ATP8B1: variants seen among roughly 807,000 people sequenced by gnomAD.
The protein encoded by ATP8B1 is phospholipid-transporting ATPase IC.
A neutral mutation model predicts 149.9 loss-of-function variants in ATP8B1; 80 were observed. The observed-to-expected ratio is 0.53, with a 90% CI of 0.45 to 0.64. The LOEUF (loss-of-function observed/expected upper bound fraction) is 0.64. Among genes scored for constraint, ATP8B1 ranks in the 30% least tolerant of loss-of-function variants. The pLI is 0.00. For missense variants in ATP8B1, 1,247 were observed against 1,552.6 expected (o/e 0.80, Z 3.31); for synonymous variants, 536 against 562.8 (o/e 0.95, Z 0.67).
In ATP8B1 at chr18:57,652,746, AAT is replaced by A. The variant is rs760448429; in HGVS notation, c.3016-19_3016-18del. 2 of 1,614,102 alleles carry A rather than the reference AAT, an allele frequency of 1.2e-6. No individual in the cohort carries two copies. Among genetic ancestry groups the A allele is most frequent in the Admixed American group, 1.7e-5 (1 of 60,026 alleles). On this transcript the variant is annotated intron_variant, in intron 24 of 27. Coordinates refer to ENST00000648908, the MANE Select transcript of ATP8B1 (RefSeq NM_001374385.1). ...ACTCACATCCTTAAGGAGAAAACAA[AAT>A]GATGGTATTTTATTCATCAGGTCAA...
intron 27 of ATP8B1, 140 bp from the exon 28 acceptor site, chr18:57,648,852 TTGTGTGTG>T (rs1161789963): frequency 2.7e-5 from 15 of 557,484 alleles, no homozygotes; most frequent in South Asian, 8.0e-5. Context: ...CTGTCCCCAC[TTGTGTGTG>T]TGTGTGTGTG....
intron 1 of ATP8B1, among the ~76,000 whole-genome samples, chr18:57,787,930 G>A (rs1201167748): frequency 1.3e-5 from 2 of 152,190 alleles, no homozygotes; most frequent in African/African-American, 4.8e-5. Flanking sequence ...CCACTTGGGA[G>A]GCTGAGGCGG....
At chr18:57,683,071 C>G (rs368578768) in intron 15 of ATP8B1, among the ~76,000 whole-genome samples, 15 of 152,234 alleles carry the variant, frequency 9.9e-5, no homozygotes, top group African/African-American at 3.6e-4. Flanking sequence ...TCAAGCAATC[C>G]ATTCACCTCG....
chr18:57,706,034 G>A (rs1232052101), intron 3 of ATP8B1, among the ~76,000 whole-genome samples: 3 of 152,056 alleles, frequency 2.0e-5, no homozygotes, highest in Non-Finnish European at 4.4e-5. Flanking sequence ...GCTAATTTTT[G>A]TATTTCGCAT....
chr18:57,683,705 A>G (rs954670589), intron 15 of ATP8B1, among the ~76,000 whole-genome samples: 1 of 152,232 alleles, frequency 6.6e-6, no homozygotes, highest in East Asian at 1.9e-4. Context: ...CTCTCAGTCA[A>G]TGCTCAGTAA....
At chr18:57,659,868 A>G (rs759211421) in intron 22 of ATP8B1, 4 of 152,242 alleles carry the variant, frequency 2.6e-5, no homozygotes, top group Admixed American at 1.3e-4. Context: ...TGAAAAGTCT[A>G]GTTATATATA....
At chr18:57,778,381 A>G (rs929156149) in intron 1 of ATP8B1, among the ~76,000 whole-genome samples, 1 of 151,004 alleles carries the variant, frequency 6.6e-6, no homozygotes, top group Non-Finnish European at 1.5e-5. Flanking sequence ...GCCCGCCGCT[A>G]CGCCCGGCTA....
chr18:57,737,512 C>T (rs1256766094), intron 1 of ATP8B1, among the ~76,000 whole-genome samples: 1 of 151,840 alleles, frequency 6.6e-6, no homozygotes, highest in Non-Finnish European at 1.5e-5. Flanking sequence ...CCCAGCCTCC[C>T]TAGTAACTAG....
chr18:57,674,805 T>G, intron 16 of ATP8B1, 29 bp downstream of exon 16: 1 of 1,611,320 alleles, frequency 6.2e-7, no homozygotes, highest in South Asian at 1.1e-5. Context: ...AAATGAGCGA[T>G]TCATAGACAG....
chr18:57,670,842 G>T (rs1480436182), intron 17 of ATP8B1, among the ~76,000 whole-genome samples: 2 of 152,004 alleles, frequency 1.3e-5, no homozygotes, highest in African/African-American at 4.8e-5. Context: ...AAGTAGCTGG[G>T]ATTACAGGTG....
chr18:57,745,329 T>C (rs2079954713), intron 1 of ATP8B1, among the ~76,000 whole-genome samples: 1 of 152,102 alleles, frequency 6.6e-6, no homozygotes, highest in East Asian at 1.9e-4. Context: ...TGTAGTGCAG[T>C]GGGGAGATCT....
intron 1 of ATP8B1, among the ~76,000 whole-genome samples, chr18:57,786,161 C>A (rs1184468603): frequency 6.6e-6 from 1 of 152,154 alleles, no homozygotes; most frequent in African/African-American, 2.4e-5. Context: ...TGAGTCTTGC[C>A]AAGGTGCTAT....
At chr18:57,781,245 T>G (rs905022410) in intron 1 of ATP8B1, among the ~76,000 whole-genome samples, 2 of 152,228 alleles carry the variant, frequency 1.3e-5, no homozygotes, top group African/African-American at 4.8e-5. Flanking sequence ...TGGGACTGAG[T>G]TCCTGATCTA....
At chr18:57,725,945 G>A (rs1020497188) in intron 2 of ATP8B1, among the ~76,000 whole-genome samples, 3 of 152,154 alleles carry the variant, frequency 2.0e-5, no homozygotes, top group Non-Finnish European at 2.9e-5. Context: ...AAACCCTGGG[G>A]AAGTCTGAGC....
rs2663857 is a variant in ATP8B1, at chr18:57,783,708, C to T, written c.-26+19290G>A. On this transcript the variant is annotated intron_variant, in intron 1 of 27. Coordinates refer to ENST00000648908, the MANE Select transcript of ATP8B1 (RefSeq NM_001374385.1). Reference sequence around the variant, plus strand: ...AAAATTAGCCAGGCATGGTGGCACGCGCTTGTAATCCCAGCTACTCAGGTG... The same window carrying T: ...AAAATTAGCCAGGCATGGTGGCACGTGCTTGTAATCCCAGCTACTCAGGTG... Among the ~76,000 whole-genome samples the T allele has an allele frequency of 6.3e-3, 954 of 152,098 alleles. 12 individuals carry two copies. The highest frequency in any genetic ancestry group is 0.021 in the African/African-American group (892 of 41,492).
intron 27 of ATP8B1, 66 bp downstream of exon 27, chr18:57,650,300 CG>C: frequency 2.5e-6 from 4 of 1,581,688 alleles, no homozygotes; most frequent in Non-Finnish European, 3.5e-6. Flanking sequence ...TTGCAGGAAA[CG>C]TGCTGTTGGG....
At chr18:57,765,178 G>C (rs1314047546) in intron 1 of ATP8B1, among the ~76,000 whole-genome samples, 1 of 152,254 alleles carries the variant, frequency 6.6e-6, no homozygotes, top group Admixed American at 6.5e-5. Flanking sequence ...GACACATGAT[G>C]TATGATTTCA....
intron 1 of ATP8B1, among the ~76,000 whole-genome samples, chr18:57,759,780 C>T (rs2080129506): frequency 6.6e-6 from 1 of 150,896 alleles, no homozygotes; most frequent in East Asian, 1.9e-4. Flanking sequence ...AATTGCGCCA[C>T]TGCACTCCAG....
At chr18:57,706,658 C>T (rs1913413276) in intron 2 of ATP8B1, 71 bp from the exon 3 acceptor site, 9 of 1,270,036 alleles carry the variant, frequency 7.1e-6, no homozygotes, top group Non-Finnish European at 1.0e-5. Flanking sequence ...TTGTGTCTTC[C>T]CCAGATTCAA....
Sources: allele counts gnomAD v4.1 joint callset (sites outside exome capture counted in the v4.1 genomes callset), GRCh38; gene constraint gnomAD v4.1.1; transcripts MANE v1.5; gene names NCBI Gene and HGNC (gene_info 2026-07-23, HGNC 2026-07-21).